FAM114A2: variants seen among roughly 807,000 people sequenced by gnomAD.
FAM114A2 encodes the protein family with sequence similarity 114 member A2.
In FAM114A2, 53 loss-of-function variants were observed where a neutral mutation model predicts 58.4. That is an observed-to-expected ratio of 0.91 (90% CI 0.73 to 1.14). The LOEUF (loss-of-function observed/expected upper bound fraction) is 1.14. Ranked by LOEUF, FAM114A2 falls within the 50% of genes most tolerant of loss-of-function variation. FAM114A2 has a pLI of 0.00. For missense variants in FAM114A2, 601 were observed against 581.1 expected, an observed-to-expected ratio of 1.03 and a Z score of -0.35; for synonymous variants, 228 against 211.4, an observed-to-expected ratio of 1.08 and a Z score of -0.68.
chr5:154,002,279 C>T lies in FAM114A2; in HGVS notation c.1228G>A (p.Ala410Thr), dbSNP rs1160711036. The change falls in exon 11 of 14, where the codon GCC becomes ACC. Residue 410 changes from alanine to threonine, a missense_variant. Physicochemically the swap from Ala to Thr is moderately conservative, Grantham distance 58. Coordinates refer to ENST00000351797, the MANE Select transcript of FAM114A2 (RefSeq NM_018691.4). Reference sequence around the variant, plus strand: ...GAAAGAGTTTGGCTCCTTTCTATGGCTGTCACTTCCTGCTTCCTGCCATGC... The same window carrying T: ...GAAAGAGTTTGGCTCCTTTCTATGGTTGTCACTTCCTGCTTCCTGCCATGC... ...VLHGRKQEVTAIERSQTLSQM... is the reference protein window; with the variant it reads ...VLHGRKQEVTTIERSQTLSQM... The T allele has an allele frequency of 6.2e-7, 1 of 1,613,974 alleles. No homozygotes were observed. The highest frequency in any genetic ancestry group is 1.1e-5 in the South Asian group (1 of 91,070).
At chr5:154,025,508 G>A (rs1277134320) in intron 8 of FAM114A2, among the ~76,000 whole-genome samples, 1 of 152,082 alleles carries the variant, frequency 6.6e-6, no homozygotes, top group African/African-American at 2.4e-5. Flanking sequence ...CTGACTCATA[G>A]ACTCCCTGAA....
At chr5:154,003,987 C>T (rs1770183839) in intron 9 of FAM114A2, among the ~76,000 whole-genome samples, 1 of 152,162 alleles carries the variant, frequency 6.6e-6, no homozygotes, top group Non-Finnish European at 1.5e-5. Flanking sequence ...TTGCAACTGC[C>T]TACAGTATTC....
chr5:154,031,326 A>AAAAAAAAAAAAAAAAAC (rs1349521809), intron 4 of FAM114A2, among the ~76,000 whole-genome samples: 3 of 150,818 alleles, frequency 2.0e-5, no homozygotes, highest in Non-Finnish European at 3.0e-5. Flanking sequence ...AAAAAAAAAA[A>AAAAAAAAAAAAAAAAAC]AAGCCTTAAA....
At chr5:154,005,777 T>TA (rs1770311898) in intron 9 of FAM114A2, among the ~76,000 whole-genome samples, 1 of 152,224 alleles carries the variant, frequency 6.6e-6, no homozygotes, top group Non-Finnish European at 1.5e-5. Flanking sequence ...TATTACCACC[T>TA]AGTTTATTAA....
At position 154,033,972 on chromosome 5, in the gene FAM114A2, G is replaced by C. The variant is rs1581841820; in HGVS notation, c.311-89C>G. The stretch of plus-strand genomic sequence containing the variant: ...ACTTGAAGATTTTTAAAATCATTTA[G>C]GACCACAAGACATGTTATTTTGACA... On this transcript the variant is annotated intron_variant, in intron 3 of 13. Coordinates refer to ENST00000351797, the MANE Select transcript of FAM114A2 (RefSeq NM_018691.4). 3 of 803,548 alleles carry C rather than the reference G, an allele frequency of 3.7e-6. No individual in the cohort carries two copies. The East Asian group carries it at 7.9e-5, about 21-fold the overall frequency. The allele number at this position is 803,548 out of a possible 1,614,324, so 49.8% of individuals were successfully genotyped here.
rs1195012179 is a variant in FAM114A2 at position 153,990,763 on chromosome 5, G to T, written c.*2213C>A. 6.6e-6 allele frequency: 1 copy of T among 152,034 alleles called. No homozygotes were observed. The highest frequency in any genetic ancestry group is 1.5e-5 in the Non-Finnish European group (1 of 68,004). The allele number at this position is 152,034 out of a possible 1,614,324, so 9.4% of individuals were successfully genotyped here. A position where few individuals can be genotyped will look rare whatever the true frequency, so the allele number is the denominator to read the frequency against. On this transcript the variant is annotated 3_prime_UTR_variant, in exon 14 of 14. Coordinates refer to ENST00000351797, the MANE Select transcript of FAM114A2 (RefSeq NM_018691.4). ...GAAAGGCATATATTAGTAATTAGTG[G>T]TAAATCTTAGACACCAAAAATTTAA... is the stretch of plus-strand genomic sequence containing the variant.
intron 8 of FAM114A2, among the ~76,000 whole-genome samples, chr5:154,020,162 C>G (rs552556): frequency 6.6e-6 from 1 of 151,826 alleles, no homozygotes; most frequent in Non-Finnish European, 1.5e-5. Context: ...TAGAACACTG[C>G]ATTTATAGCA....
intron 9 of FAM114A2, among the ~76,000 whole-genome samples, chr5:154,009,160 G>A (rs1293950607): frequency 6.6e-6 from 1 of 152,144 alleles, no homozygotes; most frequent in Admixed American, 6.5e-5. Flanking sequence ...AATGAATCAT[G>A]CTTTCTCAAA....
intron 9 of FAM114A2, among the ~76,000 whole-genome samples, chr5:154,005,369 G>A (rs1298136522): frequency 6.6e-6 from 1 of 152,164 alleles, no homozygotes; most frequent in East Asian, 1.9e-4. Flanking sequence ...AGTAAGTGGT[G>A]CATAGATTAA....
intron 8 of FAM114A2, among the ~76,000 whole-genome samples, chr5:154,015,053 A>T (rs184780322): frequency 1.3e-3 from 200 of 152,254 alleles, no homozygotes; most frequent in African/African-American, 4.5e-3. Context: ...AACCTGCATG[A>T]CACAGCAGAG....
chr5:154,003,324 G>A (rs1449475114), intron 9 of FAM114A2, among the ~76,000 whole-genome samples: 9 of 151,608 alleles, frequency 5.9e-5, no homozygotes, highest in East Asian at 1.9e-4. Context: ...GATTACAGGC[G>A]CCCACCACCA....
intron 4 of FAM114A2, among the ~76,000 whole-genome samples, 175 bp from the exon 5 acceptor site, chr5:154,029,755 T>G (rs1046515975): frequency 6.6e-6 from 1 of 152,244 alleles, no homozygotes; most frequent in African/African-American, 2.4e-5. Flanking sequence ...AGATAGGCAG[T>G]TTTCATTTTC....
intron 8 of FAM114A2, among the ~76,000 whole-genome samples, chr5:154,022,641 T>C (rs1485338889): frequency 6.6e-6 from 1 of 152,114 alleles, no homozygotes; most frequent in Non-Finnish European, 1.5e-5. Flanking sequence ...ACACAACAGG[T>C]GCTGGAGAGG....
At chr5:153,999,864 A>C (rs548952815) in intron 11 of FAM114A2, among the ~76,000 whole-genome samples, 19 of 152,316 alleles carry the variant, frequency 1.2e-4, no homozygotes, top group African/African-American at 4.6e-4. Context: ...TCACAACAGC[A>C]AAGATATAGA....
chr5:154,017,435 T>A (rs965085309), intron 8 of FAM114A2, among the ~76,000 whole-genome samples: 1 of 151,716 alleles, frequency 6.6e-6, no homozygotes, highest in Non-Finnish European at 1.5e-5. Flanking sequence ...AGAGCGAAAC[T>A]CCATCTCAAA....
intron 8 of FAM114A2, among the ~76,000 whole-genome samples, chr5:154,022,988 G>A (rs904721438): frequency 6.1e-4 from 93 of 152,244 alleles, no homozygotes; most frequent in Non-Finnish European, 7.6e-4. Context: ...CCTTTGTAGC[G>A]ACATGGATGA....
Position 153,990,244 on chromosome 5 carries a change from T to C in FAM114A2, c.*2732A>G, listed in dbSNP as rs1323390208. ...ACACCTCTAGAAATACAGAAAAATG[T>C]CTATTTCTCAAATGGAGATATCAAT... On this transcript the variant is annotated 3_prime_UTR_variant, in exon 14 of 14. Coordinates refer to ENST00000351797, the MANE Select transcript of FAM114A2 (RefSeq NM_018691.4). The C allele has an allele frequency of 6.6e-6, 1 of 152,194 alleles. No homozygotes were observed. The highest frequency in any genetic ancestry group is 1.5e-5 in the Non-Finnish European group (1 of 68,034). The allele number at this position is 152,194 out of a possible 1,614,324, so 9.4% of individuals were successfully genotyped here. A position where few individuals can be genotyped will look rare whatever the true frequency, so the allele number is the denominator to read the frequency against.
intron 8 of FAM114A2, among the ~76,000 whole-genome samples, chr5:154,023,511 A>G (rs1771572306): frequency 6.6e-6 from 1 of 152,206 alleles, no homozygotes; most frequent in African/African-American, 2.4e-5. Flanking sequence ...TTCTAAGTAA[A>G]GTAACTCAGG....
intron 4 of FAM114A2, among the ~76,000 whole-genome samples, chr5:154,032,359 CTT>C (rs1236753126): frequency 6.6e-6 from 1 of 152,188 alleles, no homozygotes; most frequent in East Asian, 1.9e-4. Flanking sequence ...CTAGCTGACT[CTT>C]TTCTGGATTC....
Sources: gnomAD v4.1 joint callset for allele counts (sites outside exome capture counted in the v4.1 genomes callset) on GRCh38, gnomAD v4.1.1 for gene constraint, MANE v1.5 for transcripts, NCBI Gene and HGNC (gene_info 2026-07-23, HGNC 2026-07-21) for gene names.